The following FAAH2 variants were observed in gnomAD, a reference collection of about 807,000 sequenced individuals.
The protein encoded by FAAH2 is fatty acid amide hydrolase 2, also known as fatty-acid amide hydrolase 2.
In FAAH2, 60 loss-of-function variants were observed where a neutral mutation model predicts 36.9. That is an observed-to-expected ratio of 1.63 (90% confidence interval 1.32 to 2.02). The LOEUF is 2.02. Among genes scored for constraint, FAAH2 ranks in the 30% most tolerant of loss-of-function variants. The probability of loss-of-function intolerance (pLI) is 0.00; values close to 1 mark genes in which losing one functional copy is unlikely to be tolerated. For synonymous variants in FAAH2, 214 were observed against 143.8 expected (o/e 1.49, Z -3.49); for missense variants, 689 against 397.5 (o/e 1.73, Z -6.23).
chrX:57,321,202 C>G (rs534447593), intron 3 of FAAH2, among the ~76,000 whole-genome samples: 2 of 109,876 alleles, frequency 1.8e-5, no homozygotes, highest in African/African-American at 6.6e-5. Context: ...AAGCTGGAAA[C>G]CATCGTTCTT....
chrX:57,185,457 A>G, the FAAH2 span, among the ~76,000 whole-genome samples: 2 of 108,213 alleles, frequency 1.8e-5, no homozygotes, highest in Admixed American at 1.0e-4. Context: ...GTGTAGAAGT[A>G]CCACATTTTT....
At chrX:57,438,506 C>T (rs1047625548) in intron 8 of FAAH2, among the ~76,000 whole-genome samples, 9 of 110,130 alleles carry the variant, frequency 8.2e-5, no homozygotes, top group Non-Finnish European at 1.7e-4. Flanking sequence ...TACCATACTG[C>T]TCTAAGCAAT....
At chrX:57,124,223 G>T in the FAAH2 span, among the ~76,000 whole-genome samples, 1 of 111,278 alleles carries the variant, frequency 9.0e-6, no homozygotes, top group South Asian at 3.8e-4. Context: ...TCTACATATG[G>T]CTAGCCAGTT....
At chrX:57,370,770 C>A (rs920948598) in intron 5 of FAAH2, among the ~76,000 whole-genome samples, 2 of 111,538 alleles carry the variant, frequency 1.8e-5, no homozygotes, top group Non-Finnish European at 3.8e-5. Context: ...GAGCATGAAC[C>A]CTTTTGTGAA....
At position 57,394,518 on chromosome X, in the gene FAAH2, G is replaced by T. The variant is rs1394464240; in HGVS notation, c.996+13489G>T. On this transcript the variant is annotated intron_variant, in intron 7 of 10. Transcript: ENST00000374900. ...CTTGGAACAGGTGTCTTGAGGTTAAGGTTGTTATACTGAATCATCCACTTT... is the reference window on the plus strand; with the variant it reads ...CTTGGAACAGGTGTCTTGAGGTTAATGTTGTTATACTGAATCATCCACTTT... The T allele has an allele frequency of 4.1e-6, 5 of 1,207,998 alleles. No homozygotes were observed. In the Admixed American group the frequency reaches 1.1e-4, roughly 26 times the overall value.
intron 5 of FAAH2, among the ~76,000 whole-genome samples, chrX:57,346,486 G>A (rs5960956): frequency 0.36 from 40,271 of 110,596 alleles, 6,216 homozygotes; most frequent in Middle Eastern, 0.62. Flanking sequence ...TTTCTCCATC[G>A]CGTTGCTTTG....
the FAAH2 span, among the ~76,000 whole-genome samples, chrX:57,175,390 T>C: frequency 8.9e-6 from 1 of 112,141 alleles, no homozygotes; most frequent in African/African-American, 3.2e-5. Context: ...TAACTACTCC[T>C]GAATGCTTTT....
chrX:57,428,797 A>G (rs768384755), intron 7 of FAAH2, among the ~76,000 whole-genome samples: 2 of 112,209 alleles, frequency 1.8e-5, no homozygotes, highest in South Asian at 7.5e-4. Context: ...GGAAGAAAAC[A>G]GGGAAAACTA....
the FAAH2 span, among the ~76,000 whole-genome samples, chrX:57,139,062 A>T: frequency 4.5e-5 from 5 of 111,992 alleles, no homozygotes; most frequent in East Asian, 8.4e-4. Flanking sequence ...TTTTTAGCTG[A>T]TGTGATTTCA....
the FAAH2 span, among the ~76,000 whole-genome samples, chrX:57,241,574 G>A: frequency 1.8e-5 from 2 of 111,234 alleles, no homozygotes; most frequent in Admixed American, 9.5e-5. Context: ...TAGTTTTGGC[G>A]GTACAGGTGG....
chrX:57,126,687 T>C, the FAAH2 span, among the ~76,000 whole-genome samples: 14 of 111,653 alleles, frequency 1.3e-4, 1 homozygote, highest in South Asian at 5.3e-3. Context: ...CTTTTGAATA[T>C]TCATCTCACT....
chrX:57,444,102 A>T (rs1025770609), intron 8 of FAAH2, among the ~76,000 whole-genome samples: 2 of 111,592 alleles, frequency 1.8e-5, no homozygotes, highest in Non-Finnish European at 3.8e-5. Flanking sequence ...CAGATCTCAA[A>T]CTGCATGCTG....
chrX:57,454,164 A>G (rs2056831375), intron 10 of FAAH2, among the ~76,000 whole-genome samples: 1 of 111,969 alleles, frequency 8.9e-6, no homozygotes, highest in Non-Finnish European at 1.9e-5. Flanking sequence ...AGCACTCTTA[A>G]GCGCCACCTG....
rs1318853842 is a variant in FAAH2 at position 57,377,458 on chromosome X, A to C, written c.743-1193A>C. Among the ~76,000 whole-genome samples the C allele has an allele frequency of 3.6e-5, 4 of 111,434 alleles. No homozygotes were observed. In the East Asian group the frequency reaches 8.4e-4, roughly 23 times the overall value. ...TTTGTCAAAGACTAGATTGTAGTAG[A>C]TGTGTGGCATTATATCTGAGGGATC... is the stretch of plus-strand genomic sequence containing the variant. On this transcript the variant is annotated intron_variant, in intron 5 of 10. Coordinates refer to ENST00000374900, the MANE Select transcript of FAAH2 (RefSeq NM_174912.4).
the FAAH2 span, among the ~76,000 whole-genome samples, chrX:57,158,481 C>A: frequency 8.9e-6 from 1 of 111,865 alleles, no homozygotes; most frequent in East Asian, 2.8e-4. Flanking sequence ...AAAAGTGTTC[C>A]TATTTGTCCA....
chrX:57,284,656 T>C (rs1376069072), upstream of FAAH2, among the ~76,000 whole-genome samples: 2 of 111,643 alleles, frequency 1.8e-5, no homozygotes, highest in Non-Finnish European at 3.8e-5. Context: ...TATGTATTCA[T>C]TTTGCAAGAT....
chrX:57,464,249 C>T (rs1278091623), intron 10 of FAAH2, among the ~76,000 whole-genome samples: 2 of 109,935 alleles, frequency 1.8e-5, no homozygotes, highest in Admixed American at 9.8e-5. Context: ...CATACCGTGG[C>T]CTATTATGGC....
chrX:57,216,948 G>T, the FAAH2 span, among the ~76,000 whole-genome samples: 12 of 108,874 alleles, frequency 1.1e-4, no homozygotes, highest in South Asian at 4.0e-4. Context: ...ACTGTTTTTT[G>T]ATTTTTTTAT....
chrX:57,335,594 A>G (rs200027676), intron 4 of FAAH2, among the ~76,000 whole-genome samples: 293 of 87,293 alleles, frequency 3.4e-3, no homozygotes, highest in South Asian at 4.5e-3. Context: ...GCTTTACACC[A>G]AGACATTCCA....
Sources: gnomAD v4.1 joint callset for allele counts (sites outside exome capture counted in the v4.1 genomes callset) on GRCh38, gnomAD v4.1.1 for gene constraint, MANE v1.5 for transcripts, NCBI Gene and HGNC (gene_info 2026-07-23, HGNC 2026-07-21) for gene names.